Variants in ABCB5 observed in about 807,000 individuals in gnomAD.
ABCB5 encodes ATP-binding cassette sub-family B member 5.
Under a neutral mutation model 144.2 loss-of-function variants are expected in ABCB5, and 155 were observed. That is an observed-to-expected ratio of 1.08 (90% CI 0.94 to 1.23). The LOEUF (loss-of-function observed/expected upper bound fraction) is 1.23, where lower values mean the gene tolerates loss of function less well. Ranked by LOEUF, ABCB5 falls within the 50% of genes most tolerant of loss-of-function variation. The pLI is 0.00. For missense variants in ABCB5, 1,830 were observed against 1,520.8 expected (o/e 1.20, Z -3.38); for synonymous variants, 610 against 528.6 (o/e 1.15, Z -2.11).
At chr7:20,717,438 T>C (rs75682794) in intron 20 of ABCB5, among the ~76,000 whole-genome samples, 2 of 87,596 alleles carry the variant, frequency 2.3e-5, no homozygotes, top group Admixed American at 1.3e-4. Context: ...AGATTTCCTC[T>C]TTTTTTTTTT....
intron 26 of ABCB5, among the ~76,000 whole-genome samples, chr7:20,749,924 A>G (rs1483763372): frequency 6.6e-6 from 1 of 152,222 alleles, no homozygotes; most frequent in Non-Finnish European, 1.5e-5. Flanking sequence ...TTTTCATGGA[A>G]CTGTAAGCCA....
chr7:20,628,554 C>A (rs892436639), intron 3 of ABCB5, 134 bp from the exon 4 acceptor site: 4 of 818,992 alleles, frequency 4.9e-6, no homozygotes, highest in Non-Finnish European at 7.3e-6. Flanking sequence ...ATTTTATGCA[C>A]TTATTTACCA....
At chr7:20,671,563 C>G (rs954572966) in intron 14 of ABCB5, among the ~76,000 whole-genome samples, 3 of 152,154 alleles carry the variant, frequency 2.0e-5, no homozygotes, top group Non-Finnish European at 4.4e-5. Context: ...ATAAAGGGAG[C>G]AATATCATAT....
At chr7:20,718,748 T>C (rs1162157919) in intron 20 of ABCB5, among the ~76,000 whole-genome samples, 1 of 152,204 alleles carries the variant, frequency 6.6e-6, no homozygotes, top group Non-Finnish European at 1.5e-5. Flanking sequence ...TATACACCTT[T>C]TTAAATTTCT....
At chr7:20,743,688 A>T (rs1782631703) in intron 25 of ABCB5, among the ~76,000 whole-genome samples, 2 of 152,042 alleles carry the variant, frequency 1.3e-5, no homozygotes, top group South Asian at 4.1e-4. Flanking sequence ...GCACACCCAC[A>T]CAAAGCTTCC....
At chr7:20,652,939 T>A (rs1562540521) in intron 13 of ABCB5, among the ~76,000 whole-genome samples, 1 of 152,164 alleles carries the variant, frequency 6.6e-6, no homozygotes, top group African/African-American at 2.4e-5. Flanking sequence ...GTTTTTAATT[T>A]AAAAAATTTG....
Position 20,651,518 on chromosome 7 carries a change from C to A in ABCB5, c.1431C>A (p.Thr477=). ...AAGAGCCTGTTTTGTTCGGGACCAC[C>A]ATCAGTAACAATATCAAGTATGGAC... ...VSQEPVLFGT[T]ISNNIKYGRD... The change falls in exon 13 of 28, where the codon ACC becomes ACA. Residue 477 remains threonine (T), a synonymous_variant. Transcript: ENST00000404938. 1 of 1,613,974 alleles carries A rather than the reference C, an allele frequency of 6.2e-7. No homozygotes were observed. The highest frequency in any genetic ancestry group is 8.5e-7 in the Non-Finnish European group (1 of 1,179,978).
intron 17 of ABCB5, 151 bp from the exon 18 acceptor site, chr7:20,699,674 T>A (rs1049660861): frequency 1.9e-6 from 1 of 514,850 alleles, no homozygotes; most frequent in Non-Finnish European, 3.4e-6. Flanking sequence ...AACACTGCAC[T>A]CCAGCCTGGG....
At chr7:20,631,355 A>G (rs897740999) in intron 4 of ABCB5, among the ~76,000 whole-genome samples, 3 of 152,136 alleles carry the variant, frequency 2.0e-5, no homozygotes, top group Admixed American at 2.0e-4. Flanking sequence ...GATCATAAGC[A>G]TTGTAATATG....
chr7:20,636,900 A>T (rs1438323928), intron 5 of ABCB5, among the ~76,000 whole-genome samples: 2 of 152,110 alleles, frequency 1.3e-5, no homozygotes, highest in Non-Finnish European at 2.9e-5. Context: ...TTTGAGATAC[A>T]TATTAAAGAA....
intron 24 of ABCB5, among the ~76,000 whole-genome samples, chr7:20,739,621 A>G (rs1782497593): frequency 6.6e-6 from 1 of 152,074 alleles, no homozygotes; most frequent in Non-Finnish European, 1.5e-5. Context: ...TGATGCTATG[A>G]GAATGTTCTT....
rs1583463217 is a variant in ABCB5 at position 20,740,107 on chromosome 7, G to C, written c.3024+968G>C. Among the ~76,000 whole-genome samples, 5 of 152,120 alleles carry C rather than the reference G, an allele frequency of 3.3e-5. No homozygotes were observed. The East Asian group carries it at 9.6e-4, about 29-fold the overall frequency. On this transcript the variant is annotated intron_variant, in intron 24 of 27. Transcript: ENST00000404938. ...TAAAAAAATTCAGCCGGGTGTGGTGGCACGCACCTGTAGTCCCAGCTACTC... is the reference window on the plus strand; with the variant it reads ...TAAAAAAATTCAGCCGGGTGTGGTGCCACGCACCTGTAGTCCCAGCTACTC...
chr7:20,711,478 T>C (rs1787030310), intron 20 of ABCB5, among the ~76,000 whole-genome samples: 1 of 148,516 alleles, frequency 6.7e-6, no homozygotes, highest in African/African-American at 2.5e-5. Context: ...TTTTTTTTTT[T>C]TGAGACACGG....
intron 20 of ABCB5, among the ~76,000 whole-genome samples, chr7:20,709,838 T>TG (rs1411656179): frequency 1.3e-5 from 2 of 149,326 alleles, no homozygotes; most frequent in Non-Finnish European, 3.0e-5. Context: ...CGCAGCACTC[T>TG]GGGAGGACAA....
chr7:20,643,971 C>T (rs959157609), intron 7 of ABCB5, among the ~76,000 whole-genome samples: 9 of 152,096 alleles, frequency 5.9e-5, no homozygotes, highest in Non-Finnish European at 1.3e-4. Context: ...CTTGTTTGCT[C>T]TAAATTCACA....
At chr7:20,645,562 C>T (rs905731740) in intron 7 of ABCB5, among the ~76,000 whole-genome samples, 194 bp from the exon 8 acceptor site, 2 of 152,090 alleles carry the variant, frequency 1.3e-5, no homozygotes, top group Non-Finnish European at 2.9e-5. Context: ...GTCTAGTCAC[C>T]AATAGTGATA....
intron 13 of ABCB5, among the ~76,000 whole-genome samples, chr7:20,655,791 G>A (rs1336812671): frequency 6.6e-6 from 1 of 152,130 alleles, no homozygotes; most frequent in East Asian, 1.9e-4. Context: ...ATGTGTATGT[G>A]TAGAAACTGA....
At chr7:20,617,531 CTTCT>C (rs1783714781) in intron 1 of ABCB5, among the ~76,000 whole-genome samples, 1 of 152,038 alleles carries the variant, frequency 6.6e-6, no homozygotes, top group African/African-American at 2.4e-5. Context: ...TAAGTAGTGC[CTTCT>C]GTTTCTCAAG....
intron 13 of ABCB5, among the ~76,000 whole-genome samples, chr7:20,656,912 C>CTTTT (rs749816471): frequency 6.8e-5 from 4 of 58,576 alleles, no homozygotes; most frequent in African/African-American, 1.8e-4. Context: ...TTTCCTTTTT[C>CTTTT]TTTTTTTTTT....
Sources: gnomAD v4.1 joint callset for allele counts (sites outside exome capture counted in the v4.1 genomes callset) on GRCh38, gnomAD v4.1.1 for gene constraint, MANE v1.5 for transcripts, NCBI Gene and HGNC (gene_info 2026-07-23, HGNC 2026-07-21) for gene names.